The following USP40 variants were observed in gnomAD, a reference collection of about 807,000 sequenced individuals.
USP40 encodes ubiquitin carboxyl-terminal hydrolase 40.
A neutral mutation model predicts 166.2 loss-of-function variants in USP40; 143 were observed. That is an observed-to-expected ratio of 0.86 (90% CI 0.75 to 0.99). USP40 has a LOEUF of 0.99. Ranked by LOEUF, USP40 falls within the 50% of genes least tolerant of loss-of-function variation. The pLI, the probability that USP40 is intolerant of heterozygous loss-of-function variation, is 0.00. For synonymous variants in USP40, 498 were observed against 524.0 expected (o/e 0.95, Z 0.68); for missense variants, 1,444 against 1,479.7 (o/e 0.98, Z 0.40).
chr2:233,555,258 G>A (rs1391227495), intron 5 of USP40, among the ~76,000 whole-genome samples: 1 of 152,196 alleles, frequency 6.6e-6, no homozygotes. Context: ...AGAATAGTCT[G>A]TAAAAAGAGG....
At chr2:233,534,394 G>A (rs1252247627) in intron 10 of USP40, among the ~76,000 whole-genome samples, 9 of 152,014 alleles carry the variant, frequency 5.9e-5, no homozygotes, top group East Asian at 1.9e-4. Flanking sequence ...CATCCACTAC[G>A]CCCCTATCCT....
intron 24 of USP40, among the ~76,000 whole-genome samples, chr2:233,494,149 T>C (rs1314984318): frequency 1.3e-5 from 2 of 152,212 alleles, no homozygotes; most frequent in Non-Finnish European, 2.9e-5. Flanking sequence ...ACCTAAAACA[T>C]TTTAAATAGA....
At chr2:233,554,048 T>C (rs1179990766) in intron 6 of USP40, among the ~76,000 whole-genome samples, 4 of 152,106 alleles carry the variant, frequency 2.6e-5, no homozygotes, top group African/African-American at 9.7e-5. Flanking sequence ...TTCATAGTAG[T>C]AAAGAAAGCA....
chr2:233,542,926 T>C (rs903922474), intron 8 of USP40, among the ~76,000 whole-genome samples: 2 of 152,224 alleles, frequency 1.3e-5, no homozygotes, highest in African/African-American at 2.4e-5. Context: ...TTTTACATAA[T>C]TTGATATGTT....
At chr2:233,508,235 A>G (rs2066563749) in intron 21 of USP40, among the ~76,000 whole-genome samples, 1 of 152,206 alleles carries the variant, frequency 6.6e-6, no homozygotes, top group Non-Finnish European at 1.5e-5. Context: ...ATATCCAACT[A>G]ATGTTCACAT....
At chr2:233,565,257 T>C (rs1482901454) in intron 2 of USP40, 99 bp downstream of exon 2, 2 of 931,268 alleles carry the variant, frequency 2.1e-6, no homozygotes, top group Non-Finnish European at 1.6e-6. Context: ...CTGTAGAATA[T>C]ATCTTTAAGA....
intron 21 of USP40, among the ~76,000 whole-genome samples, chr2:233,509,766 G>C (rs1034810516): frequency 5.3e-5 from 8 of 150,454 alleles, no homozygotes; most frequent in Non-Finnish European, 1.2e-4. Flanking sequence ...ACTTGAACCC[G>C]GGAGGCAGAG....
intron 27 of USP40, 136 bp from the exon 28 acceptor site, chr2:233,488,440 G>A: frequency 1.4e-6 from 1 of 728,738 alleles, no homozygotes; most frequent in Non-Finnish European, 2.3e-6. Context: ...CCAAACTTTT[G>A]GAAAAGGGGA....
chr2:233,502,615 T>TC, intron 21 of USP40, among the ~76,000 whole-genome samples: 1 of 151,856 alleles, frequency 6.6e-6, no homozygotes, highest in African/African-American at 2.4e-5. Flanking sequence ...TGTGGCAGTA[T>TC]CCCCCTCCCC....
At position 233,486,192 on chromosome 2, in the gene USP40, G is replaced by A. The variant is rs1387085443; in HGVS notation, c.3198-215C>T. ...GAGCGGAAGTGAAGATCCCATTCTCGGTACACAGCAGAGCCCCCCCAGACG... is the reference window on the plus strand; with the variant it reads ...GAGCGGAAGTGAAGATCCCATTCTCAGTACACAGCAGAGCCCCCCCAGACG... On this transcript the variant is annotated intron_variant, in intron 28 of 31. Coordinates refer to ENST00000678225, the MANE Select transcript of USP40 (RefSeq NM_001365479.2). This position sits in a 1 kb window ranked among gnomAD's most constrained non-coding sequence, Gnocchi z 4.0. 6.6e-6 allele frequency among the ~76,000 whole-genome samples: 1 copy of A among 152,040 alleles called. No individual in the cohort carries two copies. Among genetic ancestry groups the A allele is most frequent in the Non-Finnish European group, 1.5e-5 (1 of 68,012 alleles).
At chr2:233,507,490 C>A (rs1310126930) in intron 21 of USP40, among the ~76,000 whole-genome samples, 1 of 151,794 alleles carries the variant, frequency 6.6e-6, no homozygotes, top group Non-Finnish European at 1.5e-5. Flanking sequence ...TACTATTCAG[C>A]CATAAAAAAG....
intron 4 of USP40, among the ~76,000 whole-genome samples, chr2:233,559,491 C>T (rs2125393754): frequency 6.6e-6 from 1 of 152,318 alleles, no homozygotes; most frequent in South Asian, 2.1e-4. Flanking sequence ...GGTAGGTAAT[C>T]TCCATGTAAT....
chr2:233,529,546 C>T, intron 11 of USP40, 34 bp from the exon 12 acceptor site: 1 of 1,520,406 alleles, frequency 6.6e-7, no homozygotes, highest in East Asian at 2.4e-5. Context: ...CTTGTGTTGG[C>T]TAAATGAAAT....
chr2:233,488,772 G>C lies in USP40; in HGVS notation c.3132-468C>G, dbSNP rs140558120. Reference sequence around the variant, plus strand: ...AAACAAAAAATTAGCCTGGTGTCGTGGCACATGCCTGAGGTCCCAGCTACA... The same window carrying C: ...AAACAAAAAATTAGCCTGGTGTCGTCGCACATGCCTGAGGTCCCAGCTACA... On this transcript the variant is annotated intron_variant, in intron 27 of 31. Transcript: ENST00000678225. Among the ~76,000 whole-genome samples, 670 of 152,280 alleles carry C rather than the reference G, an allele frequency of 4.4e-3. 2 individuals carry two copies. Among genetic ancestry groups the C allele is most frequent in the Middle Eastern group, 0.017 (5 of 294 alleles).
chr2:233,561,262 C>T (rs1275845670), intron 3 of USP40: 1 of 1,480,336 alleles, frequency 6.8e-7, no homozygotes, highest in Non-Finnish European at 9.1e-7. Flanking sequence ...ATCGCCAAGT[C>T]AATCCTAAGC....
intron 3 of USP40, among the ~76,000 whole-genome samples, chr2:233,561,666 T>C (rs1276976637): frequency 6.6e-6 from 1 of 151,724 alleles, no homozygotes; most frequent in Non-Finnish European, 1.5e-5. Context: ...GGGTAAGGAC[T>C]TCATGTCTAA....
chr2:233,505,370 A>G (rs1286772499), intron 21 of USP40, among the ~76,000 whole-genome samples: 1 of 152,166 alleles, frequency 6.6e-6, no homozygotes, highest in Admixed American at 6.5e-5. Flanking sequence ...AGGAACTAAC[A>G]AAACAATTCA....
chr2:233,509,058 A>G (rs2066620130), intron 21 of USP40, among the ~76,000 whole-genome samples: 1 of 152,132 alleles, frequency 6.6e-6, no homozygotes, highest in Admixed American at 6.5e-5. Flanking sequence ...CCATTATTCT[A>G]AGATGCCCTG....
At chr2:233,549,943 A>C (rs1188986963) in intron 7 of USP40, among the ~76,000 whole-genome samples, 2 of 152,154 alleles carry the variant, frequency 1.3e-5, no homozygotes, top group Non-Finnish European at 2.9e-5. Context: ...AAAATAAAAT[A>C]AAAAGCTAAT....
Sources: gnomAD v4.1 joint callset for allele counts (sites outside exome capture counted in the v4.1 genomes callset) on GRCh38, gnomAD v4.1.1 for gene constraint, Gnocchi (gnomAD v3.1) non-coding constraint, MANE v1.5 for transcripts, NCBI Gene and HGNC (gene_info 2026-07-23, HGNC 2026-07-21) for gene names.